The following PRKCA variants were observed in gnomAD, a reference collection of about 807,000 sequenced individuals.
PRKCA encodes protein kinase C alpha type.
PRKCA carries 27 observed loss-of-function variants against 87.0 expected under a neutral mutation model. The observed-to-expected ratio is 0.31, with a 90% CI of 0.23 to 0.43. The LOEUF (loss-of-function observed/expected upper bound fraction) is 0.43. PRKCA is among the 20% of genes least tolerant of loss of function. The pLI, the probability that PRKCA is intolerant of heterozygous loss-of-function variation, is 1.00. For synonymous variants in PRKCA, 329 were observed against 311.1 expected (o/e 1.06, Z -0.61); for missense variants, 518 against 852.3 (o/e 0.61, Z 4.88).
chr17:66,798,366 T>C (rs966998051), intron 16 of PRKCA, among the ~76,000 whole-genome samples: 21 of 149,772 alleles, frequency 1.4e-4, no homozygotes, highest in Non-Finnish European at 1.8e-4. Flanking sequence ...TTTCCTTATC[T>C]TTTTCAGTAG....
intron 16 of PRKCA, chr17:66,796,533 C>G (rs1751052362): frequency 1.0e-6 from 1 of 984,530 alleles, no homozygotes. Context: ...ACTAAATGAG[C>G]AAACTAACCC....
Position 66,540,088 on chromosome 17 carries a change from C to T in PRKCA, c.288+43805C>T, listed in dbSNP as rs1232343003. 2.0e-5 allele frequency among the ~76,000 whole-genome samples: 3 copies of T among 152,144 alleles called. No homozygotes were observed. The South Asian group carries it at 6.2e-4, about 32-fold the overall frequency. The stretch of plus-strand genomic sequence containing the variant: ...TGTTAGGAGGCTGTTGTGTTTGTTG[C>T]CAGGGAGGTGATGTTTTCCCCATTG... On this transcript the variant is annotated intron_variant, in intron 3 of 16. Transcript: ENST00000413366.
At chr17:66,541,478 C>T (rs2143133679) in intron 3 of PRKCA, among the ~76,000 whole-genome samples, 2 of 152,362 alleles carry the variant, frequency 1.3e-5, no homozygotes, top group East Asian at 3.9e-4. Context: ...TTGAAAGCTA[C>T]TCTGCTGGTC....
intron 5 of PRKCA, among the ~76,000 whole-genome samples, chr17:66,683,686 G>A (rs550918116): frequency 2.6e-5 from 4 of 152,114 alleles, no homozygotes; most frequent in Non-Finnish European, 5.9e-5. Flanking sequence ...TGCAGCCTCC[G>A]CCTCCTGGGT....
At chr17:66,734,279 G>T (rs1417021364) in intron 9 of PRKCA, among the ~76,000 whole-genome samples, 1 of 152,236 alleles carries the variant, frequency 6.6e-6, no homozygotes, top group Non-Finnish European at 1.5e-5. Context: ...TACTCCATAG[G>T]CAGAGCAGCA....
intron 5 of PRKCA, among the ~76,000 whole-genome samples, chr17:66,651,290 A>G (rs958445715): frequency 2.0e-5 from 3 of 152,192 alleles, no homozygotes; most frequent in Non-Finnish European, 2.9e-5. Flanking sequence ...CAGTTGCACA[A>G]TCCTTAGGAG....
intron 3 of PRKCA, among the ~76,000 whole-genome samples, chr17:66,509,229 T>C (rs1283214952): frequency 2.0e-5 from 3 of 151,450 alleles, no homozygotes; most frequent in African/African-American, 7.3e-5. Flanking sequence ...TAATATAAGA[T>C]GTTGACTCAA....
In PRKCA at chr17:66,533,859, G is replaced by A. The variant is rs893450740; in HGVS notation, c.288+37576G>A. Among the ~76,000 whole-genome samples, 19 of 152,122 alleles carry A rather than the reference G, an allele frequency of 1.2e-4. No individual in the cohort carries two copies. In the South Asian group the frequency reaches 1.7e-3, roughly 13 times the overall value. On this transcript the variant is annotated intron_variant, in intron 3 of 16. Transcript: ENST00000413366. ...TTGGAAAGGGCAGTGCAGACAAGCC[G>A]GCTTCTCAGGCATTTAAACAAGTTG...
chr17:66,683,450 C>T (rs936078332), intron 5 of PRKCA, among the ~76,000 whole-genome samples: 1 of 152,180 alleles, frequency 6.6e-6, no homozygotes, highest in African/African-American at 2.4e-5. Flanking sequence ...TGGGTGTCAA[C>T]CCGGACCAAG....
At chr17:66,526,106 G>C (rs1287314439) in intron 3 of PRKCA, among the ~76,000 whole-genome samples, 1 of 152,102 alleles carries the variant, frequency 6.6e-6, no homozygotes. Flanking sequence ...AATCTGTTTT[G>C]ATCAGTGGAT....
At chr17:66,658,075 C>T (rs577013327) in intron 5 of PRKCA, among the ~76,000 whole-genome samples, 17 of 152,286 alleles carry the variant, frequency 1.1e-4, no homozygotes, top group African/African-American at 4.1e-4. Flanking sequence ...GGGGAGGCCT[C>T]AGGAAACTTA....
At chr17:66,340,547 CGTAA>C (rs1906986879) in intron 2 of PRKCA, among the ~76,000 whole-genome samples, 1 of 151,838 alleles carries the variant, frequency 6.6e-6, no homozygotes, top group African/African-American at 2.4e-5. Context: ...ATTAATTTGG[CGTAA>C]GTGTGATCAT....
chr17:66,789,946 C>T (rs144320827), intron 16 of PRKCA, among the ~76,000 whole-genome samples: 29 of 152,374 alleles, frequency 1.9e-4, no homozygotes, highest in Non-Finnish European at 3.1e-4. Context: ...TTCTAAGGGC[C>T]GGGCGGACTG....
intron 2 of PRKCA, among the ~76,000 whole-genome samples, chr17:66,409,497 C>G (rs1044291303): frequency 6.6e-6 from 1 of 152,142 alleles, no homozygotes; most frequent in Non-Finnish European, 1.5e-5. Flanking sequence ...TAGCTCTGTA[C>G]AATATATGCT....
chr17:66,661,228 A>G (rs976977019), intron 5 of PRKCA, among the ~76,000 whole-genome samples: 9 of 149,642 alleles, frequency 6.0e-5, no homozygotes, highest in Middle Eastern at 3.2e-3. Context: ...AATTCTGGGA[A>G]AGGGATTCAT....
chr17:66,356,445 C>G (rs12952487), intron 2 of PRKCA, among the ~76,000 whole-genome samples: 82,209 of 151,738 alleles, frequency 0.54, 23,660 homozygotes, highest in Non-Finnish European at 0.65. Context: ...GCCATCCTAG[C>G]TAACATGGTG....
chr17:66,702,631 T>C (rs892710826), intron 8 of PRKCA, among the ~76,000 whole-genome samples: 15 of 152,216 alleles, frequency 9.9e-5, no homozygotes, highest in South Asian at 2.1e-4. Context: ...AGTTTGATTG[T>C]AGTAATCATT....
Position 66,310,243 on chromosome 17 carries a change from A to G in PRKCA, c.205+4116A>G, listed in dbSNP as rs550138358. On this transcript the variant is annotated intron_variant, in intron 2 of 16. Coordinates refer to ENST00000413366, the MANE Select transcript of PRKCA (RefSeq NM_002737.3). ...TTTTTGCTATTCTTTGTCTTTTAAT[A>G]TCACAAATGAAAATGTGCTACAAAC... Among the ~76,000 whole-genome samples the G allele has an allele frequency of 4.1e-5, 6 of 147,000 alleles. No homozygotes were observed. In the East Asian group the frequency reaches 1.2e-3, roughly 29 times the overall value.
chr17:66,801,366 A>G (rs1005244053), intron 16 of PRKCA, among the ~76,000 whole-genome samples: 2 of 152,202 alleles, frequency 1.3e-5, no homozygotes, highest in Non-Finnish European at 1.5e-5. Flanking sequence ...GTCCCACCCA[A>G]GTCATGATGA....
Sources: allele counts gnomAD v4.1 joint callset (sites outside exome capture counted in the v4.1 genomes callset), GRCh38; gene constraint gnomAD v4.1.1; transcripts MANE v1.5; gene names NCBI Gene and HGNC (gene_info 2026-07-23, HGNC 2026-07-21).